FBXO25: variants seen among roughly 807,000 people sequenced by gnomAD.
The protein encoded by FBXO25 is F-box only protein 25.
A neutral mutation model predicts 51.9 loss-of-function variants in FBXO25; 45 were observed. That is an observed-to-expected ratio of 0.87 (90% CI 0.68 to 1.11). The LOEUF (loss-of-function observed/expected upper bound fraction) is 1.11. Among genes scored for constraint, FBXO25 ranks in the 50% most tolerant of loss-of-function variants. FBXO25 has a pLI of 0.00. For synonymous variants in FBXO25, 199 were observed against 151.0 expected, an observed-to-expected ratio of 1.32 and a Z score of -2.33; for missense variants, 507 against 428.5, an observed-to-expected ratio of 1.18 and a Z score of -1.62.
Position 451,306 on chromosome 8 carries a change from T to G in FBXO25, c.513T>G (p.Asp171Glu). 6.2e-7 allele frequency: 1 copy of G among 1,610,872 alleles called. No individual in the cohort carries two copies. Among genetic ancestry groups the G allele is most frequent in the Non-Finnish European group, 8.5e-7 (1 of 1,179,218 alleles). Residue 171 changes from aspartate to glutamate, a missense_variant, in exon 7 of 10, where the codon GAT (aspartate) becomes GAG (glutamate). Physicochemically the swap from Asp to Glu is conservative, Grantham distance 45. Coordinates refer to ENST00000350302, the MANE Select transcript of FBXO25 (RefSeq NM_183420.2). ...DDHHNPRLIK[D>E]LLQDLSSTLC... ...ACCACAATCCTCGCTTAATCAAAGA[T>G]CTTCTGCAAGACCTAAGCTCTACCC...
At position 445,499 on chromosome 8, in the gene FBXO25, A is replaced by G. The variant is rs372050616; in HGVS notation, c.382-4491A>G. ...GATTTTGGTCATGTGAGTTATATCT[A>G]TTAATGTTTGCCACATTAGAAATTA... On this transcript the variant is annotated intron_variant, in intron 5 of 9. Coordinates refer to ENST00000350302, the MANE Select transcript of FBXO25 (RefSeq NM_183420.2). Among the ~76,000 whole-genome samples, 17 of 152,348 alleles carry G rather than the reference A, an allele frequency of 1.1e-4. No individual in the cohort carries two copies. The South Asian group carries it at 3.3e-3, about 30-fold the overall frequency.
In FBXO25 at chr8:477,032, G is replaced by A. The variant is rs754427591; in HGVS notation, c.*8228G>A. ...CAAGATATTTTCTAATTTCCCTTGT[G>A]AGTTCCCCATTAATCTGCTGGTTGA... On this transcript the variant is annotated 3_prime_UTR_variant, in exon 10 of 10. Coordinates refer to ENST00000350302, the MANE Select transcript of FBXO25 (RefSeq NM_183420.2). The A allele has an allele frequency of 6.6e-6, 1 of 152,082 alleles. No individual in the cohort carries two copies. The highest frequency in any genetic ancestry group is 1.9e-4 in the East Asian group (1 of 5,196). The allele number at this position is 152,082 out of a possible 1,614,324, so 9.4% of individuals were successfully genotyped here. A position where few individuals can be genotyped will look rare whatever the true frequency, so the allele number is the denominator to read the frequency against.
At chr8:412,589 A>C (rs907887204) in intron 1 of FBXO25, among the ~76,000 whole-genome samples, 17 of 151,806 alleles carry the variant, frequency 1.1e-4, no homozygotes, top group Admixed American at 6.6e-4. Context: ...ATAGCATCCA[A>C]CTCCTCTAAC....
intron 4 of FBXO25, among the ~76,000 whole-genome samples, chr8:434,368 A>G (rs1797983559): frequency 6.6e-6 from 1 of 152,226 alleles, no homozygotes; most frequent in Non-Finnish European, 1.5e-5. Flanking sequence ...ATCGTGTGGA[A>G]TATCAGCTGT....
At chr8:416,090 T>A (rs11993771) in intron 2 of FBXO25, among the ~76,000 whole-genome samples, 54,705 of 152,070 alleles carry the variant, frequency 0.36, 10,816 homozygotes, top group African/African-American at 0.54. Flanking sequence ...TTTATTTGCT[T>A]TTTTCACTTG....
rs139379474 is a variant in FBXO25, at chr8:444,201, C to G, written c.382-5789C>G. The stretch of plus-strand genomic sequence containing the variant: ...AAGGAACCCAAAGGCGAAGATTGAG[C>G]AAAGTTGATTTGGTCTGCCCAGTGA... On this transcript the variant is annotated intron_variant, in intron 5 of 9. Transcript: ENST00000350302. Among the ~76,000 whole-genome samples, 1,433 of 152,332 alleles carry G rather than the reference C, an allele frequency of 9.4e-3. 18 individuals are homozygous for G. Among genetic ancestry groups the G allele is most frequent in the African/African-American group, 0.032 (1,341 of 41,556 alleles).
chr8:452,242 A>T (rs1489962164), intron 7 of FBXO25, among the ~76,000 whole-genome samples: 2 of 152,206 alleles, frequency 1.3e-5, no homozygotes, highest in African/African-American at 4.8e-5. Flanking sequence ...AAGAGTGATG[A>T]TTGCCTAGTT....
chr8:460,981 T>C (rs949742576), intron 8 of FBXO25, among the ~76,000 whole-genome samples: 1 of 152,242 alleles, frequency 6.6e-6, no homozygotes, highest in Non-Finnish European at 1.5e-5. Flanking sequence ...AACATGCTCA[T>C]TGCAGCAACA....
At chr8:438,005 T>C (rs1798202758) in intron 5 of FBXO25, among the ~76,000 whole-genome samples, 1 of 152,086 alleles carries the variant, frequency 6.6e-6, no homozygotes, top group East Asian at 1.9e-4. Flanking sequence ...TTTTTTCTAA[T>C]GGCATTTAGT....
intron 9 of FBXO25, among the ~76,000 whole-genome samples, chr8:466,435 C>G (rs1027206642): frequency 6.6e-6 from 1 of 152,224 alleles, no homozygotes; most frequent in Admixed American, 6.5e-5. Context: ...ATAGCTGGTG[C>G]TCAGAAAATG....
intron 9 of FBXO25, among the ~76,000 whole-genome samples, chr8:465,545 C>T (rs1025820102): frequency 1.3e-5 from 2 of 152,204 alleles, no homozygotes; most frequent in African/African-American, 2.4e-5. Context: ...AATACACAGT[C>T]CTTCGCTTCC....
chr8:423,647 T>A (rs1187402526), intron 2 of FBXO25, among the ~76,000 whole-genome samples: 1 of 152,236 alleles, frequency 6.6e-6, no homozygotes, highest in East Asian at 1.9e-4. Flanking sequence ...GGCTGTGTAG[T>A]ATTTCATGAT....
intron 1 of FBXO25, among the ~76,000 whole-genome samples, chr8:409,983 G>T (rs1273108139): frequency 6.6e-6 from 1 of 151,910 alleles, no homozygotes; most frequent in Non-Finnish European, 1.5e-5. Context: ...TCAAACTGTG[G>T]CACACATTTT....
chr8:412,247 T>C (rs1239780953), intron 1 of FBXO25, among the ~76,000 whole-genome samples: 1 of 152,180 alleles, frequency 6.6e-6, no homozygotes, highest in Admixed American at 6.5e-5. Flanking sequence ...TGCTGTTCCT[T>C]CTGTATGTCT....
intron 2 of FBXO25, among the ~76,000 whole-genome samples, chr8:417,273 A>G (rs541719749): frequency 1.3e-5 from 2 of 152,328 alleles, no homozygotes; most frequent in South Asian, 2.1e-4. Context: ...GTTCAGGCCT[A>G]TGCTTTAACA....
chr8:414,612 G>A (rs994389644), intron 2 of FBXO25, among the ~76,000 whole-genome samples: 12 of 150,422 alleles, frequency 8.0e-5, no homozygotes, highest in African/African-American at 1.2e-4. Context: ...TTTTTTTTCC[G>A]CTGCACACAT....
chr8:445,393 C>G (rs1316032360), intron 5 of FBXO25, among the ~76,000 whole-genome samples: 2 of 152,172 alleles, frequency 1.3e-5, no homozygotes, highest in Non-Finnish European at 2.9e-5. Flanking sequence ...TATTTCTTCC[C>G]CTAGTGGAGC....
intron 5 of FBXO25, among the ~76,000 whole-genome samples, chr8:448,132 G>C (rs969690212): frequency 6.6e-6 from 1 of 152,164 alleles, no homozygotes; most frequent in Non-Finnish European, 1.5e-5. Flanking sequence ...AGGGGTTCCA[G>C]CATATTTATC....
At chr8:454,840 G>A (rs1050468457) in intron 7 of FBXO25, among the ~76,000 whole-genome samples, 1 of 143,532 alleles carries the variant, frequency 7.0e-6, no homozygotes, top group African/African-American at 2.7e-5. Flanking sequence ...GCAGTGAACT[G>A]AGATCACACC....
Sources: gnomAD v4.1 joint callset for allele counts (sites outside exome capture counted in the v4.1 genomes callset) on GRCh38, gnomAD v4.1.1 for gene constraint, MANE v1.5 for transcripts, NCBI Gene and HGNC (gene_info 2026-07-23, HGNC 2026-07-21) for gene names.